BCL7B: variants seen among roughly 807,000 people sequenced by gnomAD.
BCL7B encodes the protein BAF chromatin remodeling complex subunit BCL7B, also known as B-cell CLL/lymphoma 7 protein family member B.
BCL7B carries 11 observed loss-of-function variants against 26.5 expected under a neutral mutation model. That is an observed-to-expected ratio of 0.42 (90% CI 0.26 to 0.69). BCL7B has a LOEUF of 0.69. Among genes scored for constraint, BCL7B ranks in the 30% least tolerant of loss-of-function variants. The probability of loss-of-function intolerance (pLI) is 0.28; values close to 1 mark genes in which losing one functional copy is unlikely to be tolerated. For synonymous variants in BCL7B, 111 were observed against 107.9 expected (o/e 1.03, Z -0.18); for missense variants, 215 against 264.4 (o/e 0.81, Z 1.30).
In BCL7B at chr7:73,543,041, C is replaced by T. The variant is rs997639282; in HGVS notation, c.265+507G>A. Reference sequence around the variant, plus strand: ...GACACGTAACTTAACCTCTCTGAGCCTCAGTTTCCTTAACTGGAAAATGAG... The same window carrying T: ...GACACGTAACTTAACCTCTCTGAGCTTCAGTTTCCTTAACTGGAAAATGAG... On this transcript the variant is annotated intron_variant, in intron 3 of 5. Coordinates refer to ENST00000223368, the MANE Select transcript of BCL7B (RefSeq NM_001707.4). 37 of 288,070 alleles carry T rather than the reference C, an allele frequency of 1.3e-4. 1 individual carries two copies. Among genetic ancestry groups the T allele is most frequent in the South Asian group, 1.0e-3 (33 of 32,644 alleles). 17.8% of individuals were successfully genotyped at this position (288,070 alleles called of 1,614,324 possible).
At chr7:73,552,146 T>A (rs986574285) in intron 2 of BCL7B, 21 bp downstream of exon 2, 1 of 1,586,760 alleles carries the variant, frequency 6.3e-7, no homozygotes, top group South Asian at 1.1e-5. Flanking sequence ...ATGGTATCTT[T>A]TGATTTTCTT....
rs1477175140 is a variant in BCL7B, at chr7:73,536,963, T to C, written c.*335A>G. The C allele has an allele frequency of 4.5e-5, 11 of 247,190 alleles. No individual in the cohort carries two copies. In the East Asian group the frequency reaches 7.5e-4, roughly 17 times the overall value. 15.3% of individuals were successfully genotyped at this position (247,190 alleles called of 1,614,324 possible). A position where few individuals can be genotyped will look rare whatever the true frequency, so the allele number is the denominator to read the frequency against. Reference sequence around the variant, plus strand: ...GAAGGTGCCTTCCACATCTCTCTCTTCTCGCAGAAGCTGCCAGCAGCTCCG... The same window carrying C: ...GAAGGTGCCTTCCACATCTCTCTCTCCTCGCAGAAGCTGCCAGCAGCTCCG... On this transcript the variant is annotated 3_prime_UTR_variant, in exon 6 of 6. Coordinates refer to ENST00000223368, the MANE Select transcript of BCL7B (RefSeq NM_001707.4).
chr7:73,547,144 C>T (rs1248061138), intron 2 of BCL7B, among the ~76,000 whole-genome samples: 2 of 151,372 alleles, frequency 1.3e-5, no homozygotes, highest in African/African-American at 2.4e-5. Flanking sequence ...AAGAGCAAAA[C>T]TCCATCTCAA....
At chr7:73,539,737 A>G (rs1209371545) in intron 4 of BCL7B, 145 bp downstream of exon 4, 1 of 917,622 alleles carries the variant, frequency 1.1e-6, no homozygotes, top group Non-Finnish European at 1.6e-6. Flanking sequence ...GGGAAACTAT[A>G]ATCATTCCTA....
At chr7:73,548,937 AC>A (rs201980805) in intron 2 of BCL7B, among the ~76,000 whole-genome samples, 2,132 of 152,240 alleles carry the variant, frequency 0.014, 50 homozygotes, top group African/African-American at 0.049. Flanking sequence ...TCTCAAAAAA[AC>A]AAACAAACAA....
chr7:73,539,781 C>T, intron 4 of BCL7B, 101 bp downstream of exon 4: 1 of 1,407,936 alleles, frequency 7.1e-7, no homozygotes, highest in Non-Finnish European at 9.6e-7. Context: ...CTGCCTGGCT[C>T]TGAGGTGCTC....
chr7:73,543,131 T>C (rs1554583085), intron 3 of BCL7B, among the ~76,000 whole-genome samples: 1 of 151,826 alleles, frequency 6.6e-6, no homozygotes, highest in African/African-American at 2.4e-5. Context: ...GTCAAGTGCC[T>C]CGCAAAATAC....
intron 2 of BCL7B, 47 bp downstream of exon 2, chr7:73,552,120 T>G (rs373286750): frequency 1.4e-5 from 19 of 1,385,962 alleles, no homozygotes; most frequent in Non-Finnish European, 1.8e-5. Context: ...GGCAATCAAA[T>G]AAAGAAATAA....
At chr7:73,546,542 C>G (rs1250482491) in intron 2 of BCL7B, among the ~76,000 whole-genome samples, 1 of 151,924 alleles carries the variant, frequency 6.6e-6, no homozygotes, top group African/African-American at 2.4e-5. Flanking sequence ...GTGGCACATG[C>G]CTGTAATCCC....
At chr7:73,547,840 G>A (rs1792010405) in intron 2 of BCL7B, among the ~76,000 whole-genome samples, 1 of 152,116 alleles carries the variant, frequency 6.6e-6, no homozygotes, top group Admixed American at 6.6e-5. Flanking sequence ...GCATGAGGCT[G>A]AGCACAGTGG....
At chr7:73,544,146 C>T (rs1554583250) in intron 2 of BCL7B, among the ~76,000 whole-genome samples, 3 of 152,110 alleles carry the variant, frequency 2.0e-5, no homozygotes, top group Admixed American at 6.6e-5. Context: ...CCCAGCCGGG[C>T]GCACTGGTTC....
Position 73,557,609 on chromosome 7 carries a change from A to T in BCL7B, c.-31T>A, listed in dbSNP as rs1303539631. On this transcript the variant is annotated 5_prime_UTR_variant, in exon 1 of 6. Coordinates refer to ENST00000223368, the MANE Select transcript of BCL7B (RefSeq NM_001707.4). ...CGGCGGGAGCGGCGGGGGCCGGGGCACTGCTCCCAAGACACCGGGGATCGC... is the reference window on the plus strand; with the variant it reads ...CGGCGGGAGCGGCGGGGGCCGGGGCTCTGCTCCCAAGACACCGGGGATCGC... 1 of 1,226,246 alleles carries T rather than the reference A, an allele frequency of 8.2e-7. No homozygotes were observed. 76.0% of individuals were successfully genotyped at this position (1,226,246 alleles called of 1,614,324 possible).
intron 1 of BCL7B, among the ~76,000 whole-genome samples, chr7:73,554,774 G>C (rs1436398460): frequency 6.6e-6 from 1 of 150,598 alleles, no homozygotes; most frequent in East Asian, 1.9e-4. Flanking sequence ...CTCCAGCCTG[G>C]GTGACAGGCA....
At chr7:73,538,238 T>C (rs985258158) in intron 4 of BCL7B, 1 of 374,874 alleles carries the variant, frequency 2.7e-6, no homozygotes, top group Non-Finnish European at 4.7e-6. Flanking sequence ...GCTGGAGATA[T>C]CTGGAACCGA....
At chr7:73,554,376 C>T (rs1792285687) in intron 1 of BCL7B, among the ~76,000 whole-genome samples, 1 of 151,902 alleles carries the variant, frequency 6.6e-6, no homozygotes, top group South Asian at 2.1e-4. Flanking sequence ...GAACAAGGGT[C>T]AAATGCAGGG....
At chr7:73,544,137 C>T (rs1420422906) in intron 2 of BCL7B, among the ~76,000 whole-genome samples, 1 of 152,012 alleles carries the variant, frequency 6.6e-6, no homozygotes, top group African/African-American at 2.4e-5. Flanking sequence ...AACGACCACC[C>T]CAGCCGGGCG....
Position 73,539,872 on chromosome 7 carries a change from C to A in BCL7B, c.436+10G>T, listed in dbSNP as rs1451606869. ...TCTAGGAAACTCATCCTCGGCCAAC[C>A]ACGACTCACCCTCCAGGATCTCCTG... On this transcript the variant is annotated intron_variant, in intron 4 of 5. Coordinates refer to ENST00000223368, the MANE Select transcript of BCL7B (RefSeq NM_001707.4). The A allele has an allele frequency of 1.2e-6, 2 of 1,610,444 alleles. No individual in the cohort carries two copies. The highest frequency in any genetic ancestry group is 1.3e-5 in the African/African-American group (1 of 74,882).
chr7:73,545,036 C>G (rs1475760705), intron 2 of BCL7B, among the ~76,000 whole-genome samples: 1 of 150,974 alleles, frequency 6.6e-6, no homozygotes, highest in Non-Finnish European at 1.5e-5. Flanking sequence ...CTGGGCAACA[C>G]AGTTAGACCC....
chr7:73,557,257 G>C (rs1279625789), intron 1 of BCL7B: 1 of 1,114,822 alleles, frequency 9.0e-7, no homozygotes, highest in Non-Finnish European at 1.1e-6. Flanking sequence ...GCGGCGCGCG[G>C]CAGCAGCCGC....
Sources: allele counts gnomAD v4.1 joint callset (sites outside exome capture counted in the v4.1 genomes callset), GRCh38; gene constraint gnomAD v4.1.1; transcripts MANE v1.5; gene names NCBI Gene and HGNC (gene_info 2026-07-23, HGNC 2026-07-21).